Variants in MYRIP observed in about 807,000 individuals in gnomAD.
The protein encoded by MYRIP is rab effector MyRIP.
In MYRIP, 49 loss-of-function variants were observed where a neutral mutation model predicts 98.0. That is an observed-to-expected ratio of 0.50 (90% CI 0.40 to 0.63). The LOEUF is 0.63. Among genes scored for constraint, MYRIP ranks in the 30% least tolerant of loss-of-function variants. The pLI is 0.00. For missense variants in MYRIP, 1,004 were observed against 1,058.2 expected, an observed-to-expected ratio of 0.95 and a Z score of 0.71; for synonymous variants, 404 against 409.5, an observed-to-expected ratio of 0.99 and a Z score of 0.16.
chr3:40,101,570 T>C (rs1948946238), intron 3 of MYRIP, among the ~76,000 whole-genome samples: 1 of 152,152 alleles, frequency 6.6e-6, no homozygotes. Context: ...AGATTAATTC[T>C]CTAGTTTTCT....
intron 3 of MYRIP, among the ~76,000 whole-genome samples, chr3:40,111,493 G>A (rs188402141): frequency 3.5e-4 from 54 of 152,274 alleles, no homozygotes; most frequent in Non-Finnish European, 6.0e-4. Flanking sequence ...CCATTTGCTA[G>A]TGTATTCACA....
intron 1 of MYRIP, among the ~76,000 whole-genome samples, chr3:39,872,019 G>A (rs1029904894): frequency 6.6e-6 from 1 of 151,994 alleles, no homozygotes; most frequent in Non-Finnish European, 1.5e-5. Flanking sequence ...AGATATTTTT[G>A]TATCTCTGCA....
At chr3:40,018,626 C>T (rs1394417578) in intron 2 of MYRIP, among the ~76,000 whole-genome samples, 3 of 152,146 alleles carry the variant, frequency 2.0e-5, no homozygotes, top group African/African-American at 7.2e-5. Flanking sequence ...CCCACATCAC[C>T]CTTCCTGCTT....
intron 2 of MYRIP, among the ~76,000 whole-genome samples, chr3:39,978,967 C>A (rs943182686): frequency 6.6e-6 from 1 of 151,852 alleles, no homozygotes. Flanking sequence ...AATGATATAA[C>A]GTAAGAGGAA....
intron 2 of MYRIP, among the ~76,000 whole-genome samples, chr3:40,012,494 T>C (rs927924111): frequency 1.3e-5 from 2 of 152,222 alleles, no homozygotes; most frequent in East Asian, 1.9e-4. Flanking sequence ...GTTAATTTTA[T>C]GTGAACTTGA....
At chr3:39,974,819 T>C (rs894509437) in intron 2 of MYRIP, among the ~76,000 whole-genome samples, 2 of 152,286 alleles carry the variant, frequency 1.3e-5, no homozygotes, top group African/African-American at 4.8e-5. Context: ...TCTCAATAGA[T>C]GCAGAAAAGG....
intron 3 of MYRIP, among the ~76,000 whole-genome samples, chr3:40,088,185 T>G (rs1948667236): frequency 6.6e-6 from 1 of 151,910 alleles, no homozygotes; most frequent in South Asian, 2.1e-4. Context: ...CAAGTAGGGG[T>G]AGGAGGGGAG....
At chr3:39,990,606 C>T (rs1946150071) in intron 2 of MYRIP, among the ~76,000 whole-genome samples, 1 of 152,188 alleles carries the variant, frequency 6.6e-6, no homozygotes, top group African/African-American at 2.4e-5. Flanking sequence ...TAGGCCACAG[C>T]CCATGACTAA....
chr3:40,195,707 A>G (rs1402718817), intron 10 of MYRIP, among the ~76,000 whole-genome samples: 1 of 151,766 alleles, frequency 6.6e-6, no homozygotes, highest in East Asian at 1.9e-4. Flanking sequence ...GTTTTTTTTT[A>G]ATAAAAAGCA....
intron 10 of MYRIP, among the ~76,000 whole-genome samples, chr3:40,194,215 C>T (rs1019871515): frequency 7.9e-5 from 12 of 151,902 alleles, no homozygotes; most frequent in Non-Finnish European, 1.0e-4. Context: ...CAGTTTAGCC[C>T]CTTAGACCGT....
Position 40,202,179 on chromosome 3 carries a change from C to T in MYRIP, c.1666-7675C>T, listed in dbSNP as rs1242965896. The stretch of plus-strand genomic sequence containing the variant: ...CATCAACAGGAATGAGGAGAGCCAC[C>T]AGGACATAAGGATATATTCAACAAA... On this transcript the variant is annotated intron_variant, in intron 10 of 16. Transcript: ENST00000302541. 2.0e-5 allele frequency among the ~76,000 whole-genome samples: 3 copies of T among 152,240 alleles called. No homozygotes were observed. The East Asian group carries it at 5.8e-4, about 29-fold the overall frequency.
intron 3 of MYRIP, 24 bp from the exon 4 acceptor site, chr3:40,151,024 G>A (rs772744024): frequency 2.0e-6 from 3 of 1,529,772 alleles, no homozygotes. Context: ...CTAATTTTGT[G>A]TTGTCTAATT....
At chr3:40,189,462 A>G (rs1198899816) in intron 9 of MYRIP, among the ~76,000 whole-genome samples, 2 of 152,186 alleles carry the variant, frequency 1.3e-5, no homozygotes, top group African/African-American at 2.4e-5. Context: ...CCCAAGGTCA[A>G]AGAGCCAGAA....
intron 1 of MYRIP, among the ~76,000 whole-genome samples, chr3:39,888,926 A>T (rs1179618694): frequency 6.6e-6 from 1 of 152,174 alleles, no homozygotes; most frequent in Non-Finnish European, 1.5e-5. Flanking sequence ...ACACATGAAA[A>T]AATGCTCACC....
intron 10 of MYRIP, among the ~76,000 whole-genome samples, chr3:40,196,128 C>G (rs1951385340): frequency 6.6e-6 from 1 of 151,720 alleles, no homozygotes; most frequent in African/African-American, 2.4e-5. Context: ...CTCTATCATT[C>G]CCTCTTTTCT....
At chr3:40,247,528 CTT>C (rs980301625) in intron 13 of MYRIP, among the ~76,000 whole-genome samples, 2 of 152,088 alleles carry the variant, frequency 1.3e-5, no homozygotes, top group African/African-American at 4.8e-5. Flanking sequence ...AGCCCACACT[CTT>C]TTTCTTCTTT....
At chr3:40,156,313 C>A (rs1950236804) in intron 4 of MYRIP, among the ~76,000 whole-genome samples, 1 of 152,078 alleles carries the variant, frequency 6.6e-6, no homozygotes, top group South Asian at 2.1e-4. Flanking sequence ...AGATATGCGG[C>A]ATTATTTCTG....
chr3:40,213,851 TA>T (rs1952036264), intron 11 of MYRIP, among the ~76,000 whole-genome samples: 1 of 152,190 alleles, frequency 6.6e-6, no homozygotes. Flanking sequence ...AGGCACTAAC[TA>T]GTGACTGATG....
chr3:40,198,453 C>A (rs947975528), intron 10 of MYRIP, among the ~76,000 whole-genome samples: 1 of 152,134 alleles, frequency 6.6e-6, no homozygotes, highest in African/African-American at 2.4e-5. Context: ...CAGATGCACT[C>A]GTGAGCCTTA....
Sources: allele counts gnomAD v4.1 joint callset (sites outside exome capture counted in the v4.1 genomes callset), GRCh38; gene constraint gnomAD v4.1.1; transcripts MANE v1.5; gene names NCBI Gene and HGNC (gene_info 2026-07-23, HGNC 2026-07-21).